Variants in RSPH6A observed in about 807,000 individuals in gnomAD.
The protein encoded by RSPH6A is radial spoke head protein 6 homolog A.
In RSPH6A, 49 loss-of-function variants were observed where a neutral mutation model predicts 66.1. The observed-to-expected ratio is 0.74, with a 90% confidence interval of 0.59 to 0.94. The LOEUF is 0.94. RSPH6A is among the 40% of genes least tolerant of loss of function. RSPH6A has a pLI of 0.00. For synonymous variants in RSPH6A, 419 were observed against 402.4 expected, an observed-to-expected ratio of 1.04 and a Z score of -0.49; for missense variants, 977 against 948.3, an observed-to-expected ratio of 1.03 and a Z score of -0.40.
chr19:45,812,011 C>T (rs1288180656), intron 1 of RSPH6A, among the ~76,000 whole-genome samples: 1 of 150,672 alleles, frequency 6.6e-6, no homozygotes, highest in African/African-American at 2.4e-5. Flanking sequence ...GAACTCCTGA[C>T]CTCAGGTGAT....
At chr19:45,808,776 C>G (rs886769411) in intron 2 of RSPH6A, among the ~76,000 whole-genome samples, 8 of 149,960 alleles carry the variant, frequency 5.3e-5, no homozygotes, top group Non-Finnish European at 8.9e-5. Context: ...ATTCTCCCGC[C>G]TCAGCCTCCT....
chr19:45,805,761 T>G (rs1970536298), intron 2 of RSPH6A, among the ~76,000 whole-genome samples: 1 of 152,140 alleles, frequency 6.6e-6, no homozygotes, highest in African/African-American at 2.4e-5. Flanking sequence ...AGGCCACTTG[T>G]GCTGGCCAGT....
chr19:45,810,754 G>C lies in RSPH6A; in HGVS notation c.737C>G (p.Thr246Ser), dbSNP rs1970615985. 3.1e-6 allele frequency: 5 copies of C among 1,614,038 alleles called. No individual in the cohort carries two copies. Among genetic ancestry groups the C allele is most frequent in the Admixed American group, 1.7e-5 (1 of 59,998 alleles). ...PLSVLESLNR[T>S]TQWEWFHPKL... ...GGGGTGGAACCACTCCCACTGCGTG[G>C]TGCGGTTCAGAGACTCCAGGACAGA... is the stretch of plus-strand genomic sequence containing the variant. The change falls in exon 2 of 6, where the codon ACC (threonine) becomes AGC (serine). Residue 246 changes from threonine to serine, a missense_variant. Thr to Ser is a moderately conservative substitution (Grantham distance 58). Transcript: ENST00000221538.
Position 45,815,118 on chromosome 19 carries a change from G to A in RSPH6A, c.59C>T (p.Thr20Ile), listed in dbSNP as rs1274193389. 5 of 1,612,284 alleles carry A rather than the reference G, an allele frequency of 3.1e-6. No homozygotes were observed. The African/African-American group carries it at 6.7e-5, about 22-fold the overall frequency. ...GTGCCGCCTCTGGGAGGCCTGAGAA[G>A]TCCTCCGGCCCGGAGGCTGCTGGGC... ...RPAQQPPGRR[T>I]SQASQRRHSR... Residue 20 changes from threonine to isoleucine, a missense_variant, in exon 1 of 6, where the codon ACT (threonine) becomes ATT (isoleucine). By Grantham distance (89) the Thr-to-Ile change is moderately conservative (BLOSUM62 -1). Coordinates refer to ENST00000221538, the MANE Select transcript of RSPH6A (RefSeq NM_030785.4).
rs753128154 is a variant in RSPH6A at position 45,800,497 on chromosome 19, GCCA to G, written c.1862_1864del (p.Val621del). Reference sequence around the variant, plus strand: ...GGGCCAGAGGTTGGAGCGCACAACGGCCACTGAGTACTGCGGGCAGAGGCTGCA... The same window carrying G: ...GGGCCAGAGGTTGGAGCGCACAACGGCTGAGTACTGCGGGCAGAGGCTGCA... On this transcript the variant is annotated inframe_deletion, in exon 5 of 6. Coordinates refer to ENST00000221538, the MANE Select transcript of RSPH6A (RefSeq NM_030785.4). 1.2e-6 allele frequency: 2 copies of G among 1,613,536 alleles called. No individual in the cohort carries two copies. Among genetic ancestry groups the G allele is most frequent in the Non-Finnish European group, 1.7e-6 (2 of 1,179,936 alleles).
chr19:45,804,173 G>A lies in RSPH6A; in HGVS notation c.1653+79C>T, dbSNP rs1388449052. ...ATTAGTTGCCCAGCAGAGAGTAAGA[G>A]CTTGATGTCAGTATTGCAGGGTCAT... On this transcript the variant is annotated intron_variant, in intron 3 of 5. Transcript: ENST00000221538. This position sits in a 1 kb window ranked among gnomAD's most constrained non-coding sequence, Gnocchi z 5.8. The A allele has an allele frequency of 1.1e-5, 12 of 1,132,522 alleles. No homozygotes were observed. The East Asian group carries it at 2.4e-4, about 22-fold the overall frequency. The allele number at this position is 1,132,522 out of a possible 1,614,324, so 70.2% of individuals were successfully genotyped here.
chr19:45,807,552 C>T (rs1385885463), intron 2 of RSPH6A, among the ~76,000 whole-genome samples: 1 of 151,658 alleles, frequency 6.6e-6, no homozygotes, highest in Non-Finnish European at 1.5e-5. Flanking sequence ...GCTCTGTTGC[C>T]CAGGCTGGAG....
At chr19:45,797,846 C>G (rs142530109) in intron 5 of RSPH6A, among the ~76,000 whole-genome samples, 2 of 151,564 alleles carry the variant, frequency 1.3e-5, no homozygotes, top group Non-Finnish European at 2.9e-5. Flanking sequence ...CCAGCCTGGG[C>G]GACACAGCGA....
intron 2 of RSPH6A, among the ~76,000 whole-genome samples, chr19:45,805,344 C>G (rs1970530800): frequency 6.6e-6 from 1 of 152,020 alleles, no homozygotes; most frequent in African/African-American, 2.4e-5. Context: ...TTGCAGTGAG[C>G]TGAGATTGCT....
rs757320129 is a variant in RSPH6A at position 45,810,891 on chromosome 19, A to G, written c.651-51T>C. ...GAGAGGGACCTCACTCACTCAGCTC[A>G]CTGAGCTGGCTCCCATGTGCCTGGC... On this transcript the variant is annotated intron_variant, in intron 1 of 5. Transcript: ENST00000221538. The G allele has an allele frequency of 9.3e-6, 14 of 1,498,616 alleles. No individual in the cohort carries two copies. In the East Asian group the frequency reaches 3.0e-4, roughly 32 times the overall value. The allele number at this position is 1,498,616 out of a possible 1,614,324, so 92.8% of individuals were successfully genotyped here.
chr19:45,814,477 C>G (rs1568602590), intron 1 of RSPH6A, 50 bp downstream of exon 1: 3 of 1,436,834 alleles, frequency 2.1e-6, no homozygotes, highest in Non-Finnish European at 2.8e-6. Context: ...TCGGGTGGGG[C>G]CCCTCCCTGC....
chr19:45,799,891 A>G (rs1469194110), intron 5 of RSPH6A, among the ~76,000 whole-genome samples: 1 of 152,178 alleles, frequency 6.6e-6, no homozygotes, highest in African/African-American at 2.4e-5. Flanking sequence ...CACTAAAAAT[A>G]CAAAAATTAG....
chr19:45,795,911 C>CTCCTCCTCCTCGCCCTCT lies in RSPH6A; in HGVS notation c.2111_2112insAGAGGGCGAGGAGGAGGA (p.Glu707_Gly712dup), dbSNP rs1568596098. The CTCCTCCTCCTCGCCCTCT allele has an allele frequency of 1.2e-6, 2 of 1,613,020 alleles. No homozygotes were observed. Among genetic ancestry groups the CTCCTCCTCCTCGCCCTCT allele is most frequent in the East Asian group, 2.2e-5 (1 of 44,862 alleles). ...CGCCCTCCTCCTCCTCCTCGCCCTCCTCCTCCTCCTCTGTGGCTCCCAGGG... is the reference window on the plus strand; with the variant it reads ...CGCCCTCCTCCTCCTCCTCGCCCTCCTCCTCCTCCTCGCCCTCTTCCTCCTCCTCTGTGGCTCCCAGGG... On this transcript the variant is annotated inframe_insertion, in exon 6 of 6. Coordinates refer to ENST00000221538, the MANE Select transcript of RSPH6A (RefSeq NM_030785.4).
chr19:45,808,080 A>C (rs1568600460), intron 2 of RSPH6A, among the ~76,000 whole-genome samples: 1 of 152,234 alleles, frequency 6.6e-6, no homozygotes, highest in African/African-American at 2.4e-5. Flanking sequence ...CAAACAAGTA[A>C]AATAAGGTGT....
At chr19:45,797,297 G>A (rs979583490) in intron 5 of RSPH6A, among the ~76,000 whole-genome samples, 1 of 147,956 alleles carries the variant, frequency 6.8e-6, no homozygotes, top group Non-Finnish European at 1.5e-5. Context: ...GGAGAATGGC[G>A]TGAACCCTGG....
At chr19:45,805,701 GAGAAAGAA>G (rs5828249) in intron 2 of RSPH6A, among the ~76,000 whole-genome samples, 8 of 150,932 alleles carry the variant, frequency 5.3e-5, no homozygotes, top group East Asian at 2.0e-4. Context: ...CAAAAAAAAA[GAGAAAGAA>G]AGAAAGAAAG....
Position 45,803,058 on chromosome 19 carries a change from A to G in RSPH6A, c.1654-794T>C, listed in dbSNP as rs575871360. Among the ~76,000 whole-genome samples the G allele has an allele frequency of 1.9e-3, 295 of 151,688 alleles. 1 individual carries two copies. The highest frequency in any genetic ancestry group is 6.7e-3 in the African/African-American group (277 of 41,438). On this transcript the variant is annotated intron_variant, in intron 3 of 5. Coordinates refer to ENST00000221538, the MANE Select transcript of RSPH6A (RefSeq NM_030785.4). Reference sequence around the variant, plus strand: ...CCCATCTCTACTAAAACTACAAAAAAAATAGCCGGGCATGGTGGCGGGCGC... The same window carrying G: ...CCCATCTCTACTAAAACTACAAAAAGAATAGCCGGGCATGGTGGCGGGCGC...
rs1970695225 is a variant in RSPH6A, at chr19:45,815,302, G to A, written c.-126C>T. ...GGGGGCCGTTACCCGTGGAGGGCGC[G>A]GGGAGCGGGCCAGGGTGGGTTCCGC... On this transcript the variant is annotated 5_prime_UTR_variant, in exon 1 of 6. Transcript: ENST00000221538. The A allele has an allele frequency of 1.7e-6, 2 of 1,190,496 alleles. No homozygotes were observed. Among genetic ancestry groups the A allele is most frequent in the Non-Finnish European group, 1.1e-6 (1 of 875,698 alleles). 73.7% of individuals were successfully genotyped at this position (1,190,496 alleles called of 1,614,324 possible).
rs1970508991 is a variant in RSPH6A at position 45,804,217 on chromosome 19, T to A, written c.1653+35A>T. On this transcript the variant is annotated intron_variant, in intron 3 of 5. Coordinates refer to ENST00000221538, the MANE Select transcript of RSPH6A (RefSeq NM_030785.4). The surrounding 1 kb of genome is among the most constrained non-coding windows in gnomAD (Gnocchi z 5.8). ...GGGTCATGCGTGAGCCCCCTGCTCC[T>A]GCCGTTTGTGAGAGGCGGGAGTCCC... 1 of 1,556,720 alleles carries A rather than the reference T, an allele frequency of 6.4e-7. No homozygotes were observed.
Sources: gnomAD v4.1 joint callset for allele counts (sites outside exome capture counted in the v4.1 genomes callset) on GRCh38, gnomAD v4.1.1 for gene constraint, Gnocchi (gnomAD v3.1) non-coding constraint, MANE v1.5 for transcripts, NCBI Gene and HGNC (gene_info 2026-07-23, HGNC 2026-07-21) for gene names.